KIF14: variants seen among roughly 807,000 people sequenced by gnomAD.
The protein encoded by KIF14 is kinesin family member 14.
A neutral mutation model predicts 176.2 loss-of-function variants in KIF14; 98 were observed. The observed-to-expected ratio is 0.56, with a 90% CI of 0.47 to 0.66. The LOEUF is 0.66. Among genes scored for constraint, KIF14 ranks in the 30% least tolerant of loss-of-function variants. The probability of loss-of-function intolerance (pLI) is 0.00; values close to 1 mark genes in which losing one functional copy is unlikely to be tolerated. For missense variants in KIF14, 1,751 were observed against 1,920.4 expected (o/e 0.91, Z 1.65); for synonymous variants, 566 against 632.2 (o/e 0.90, Z 1.57).
At chr1:200,599,943 A>G (rs1362947210) in intron 13 of KIF14, 107 bp downstream of exon 13, 2 of 675,500 alleles carry the variant, frequency 3.0e-6, no homozygotes, top group Non-Finnish European at 5.2e-6. Flanking sequence ...GTCAGTATAT[A>G]GTAAGTATTT....
chr1:200,554,390 CAA>C (rs200142247), intron 29 of KIF14, 76 bp downstream of exon 29: 280 of 799,938 alleles, frequency 3.5e-4, no homozygotes, highest in East Asian at 4.4e-4. Context: ...GACTCCATCT[CAA>C]AAAAAAAAAG....
At chr1:200,596,533 C>CATCTCTA (rs1463173548) in intron 14 of KIF14, among the ~76,000 whole-genome samples, 1 of 147,962 alleles carries the variant, frequency 6.8e-6, no homozygotes, top group East Asian at 2.0e-4. Context: ...AAATTTAGAA[C>CATCTCTA]ATCTCTATGA....
Position 200,581,248 on chromosome 1 carries a change from T to C in KIF14, c.3288A>G (p.Glu1096=), listed in dbSNP as rs1658435176. The C allele has an allele frequency of 1.2e-6, 2 of 1,605,436 alleles. No individual in the cohort carries two copies. The highest frequency in any genetic ancestry group is 1.3e-5 in the African/African-American group (1 of 74,118). The change falls in exon 20 of 30, where the codon GAA becomes GAG. Residue 1096 remains glutamate, a synonymous_variant. Transcript: ENST00000367350. ...SSMKLSMMIQ[E]ANAISSKLKT... is the part of the protein sequence containing the mutation. ...TCAATTTGCTGCTGATAGCATTGGC[T>C]TCCTGAATCATCATTGAGAGTTTCA... is the stretch of plus-strand genomic sequence containing the variant.
chr1:200,558,445 C>G (rs1656952844), intron 27 of KIF14, among the ~76,000 whole-genome samples: 1 of 152,038 alleles, frequency 6.6e-6, no homozygotes, highest in African/African-American at 2.4e-5. Flanking sequence ...TGGAGTCAGG[C>G]AGAATATAAA....
intron 26 of KIF14, among the ~76,000 whole-genome samples, chr1:200,560,276 G>C (rs1657062257): frequency 9.3e-6 from 1 of 107,046 alleles, no homozygotes; most frequent in Admixed American, 9.6e-5. Flanking sequence ...GTTTGGTTTT[G>C]TTGGGTTTTT....
At chr1:200,564,657 T>C (rs1010029213) in intron 25 of KIF14, among the ~76,000 whole-genome samples, 2 of 152,182 alleles carry the variant, frequency 1.3e-5, no homozygotes, top group Admixed American at 6.5e-5. Flanking sequence ...GTATCCCTTA[T>C]TGAGGGCCAG....
intron 14 of KIF14, 62 bp from the exon 15 acceptor site, chr1:200,593,831 C>CAATATGGGATA (rs1659176260): frequency 1.1e-6 from 1 of 932,920 alleles, no homozygotes. Context: ...AAGAAAAAGG[C>CAATATGGGATA]AATATGGGAT....
chr1:200,603,998 C>T, intron 8 of KIF14, 43 bp from the exon 9 acceptor site: 1 of 1,172,436 alleles, frequency 8.5e-7, no homozygotes, highest in African/African-American at 1.5e-5. Flanking sequence ...TCTATTACTT[C>T]CAATCAATAT....
At position 200,565,563 on chromosome 1, in the gene KIF14, A is replaced by G; in HGVS notation, c.3768T>C (p.Ser1256=). The G allele has an allele frequency of 6.2e-7, 1 of 1,611,896 alleles. No individual in the cohort carries two copies. Among genetic ancestry groups the G allele is most frequent in the South Asian group, 1.1e-5 (1 of 90,444 alleles). ...IGSSLDFFGQ[S]YDEERTIADS... ...CTGCTATAGTTCTTTCTTCATCATA[A>G]CTCTGTCCAAAAAAATCTAACGAAG... Residue 1256 remains serine (S), a synonymous_variant, in exon 24 of 30, where the codon AGT becomes AGC. Transcript: ENST00000367350.
intron 22 of KIF14, among the ~76,000 whole-genome samples, chr1:200,570,657 T>TACAA (rs1657733446): frequency 1.3e-5 from 2 of 152,210 alleles, no homozygotes; most frequent in African/African-American, 4.8e-5. Context: ...GGTCTTTGCA[T>TACAA]GTCAATAAAG....
At chr1:200,565,727 T>C (rs1173346246) in intron 23 of KIF14, 58 bp from the exon 24 acceptor site, 2 of 1,134,514 alleles carry the variant, frequency 1.8e-6, no homozygotes, top group African/African-American at 3.2e-5. Context: ...ACTTTCTTTT[T>C]TAAAAAAAGG....
At chr1:200,588,013 C>T (rs796756944) in intron 18 of KIF14, among the ~76,000 whole-genome samples, 1 of 152,118 alleles carries the variant, frequency 6.6e-6, no homozygotes, top group African/African-American at 2.4e-5. Flanking sequence ...CAACTCCCAC[C>T]CTGGTTTCCC....
At position 200,620,505 on chromosome 1, in the gene KIF14, C is replaced by T. The variant is rs1167321844; in HGVS notation, c.-210G>A. 6.6e-6 allele frequency: 1 copy of T among 152,346 alleles called. No individual in the cohort carries two copies. The highest frequency in any genetic ancestry group is 1.5e-5 in the Non-Finnish European group (1 of 68,124). 9.4% of individuals were successfully genotyped at this position (152,346 alleles called of 1,614,324 possible). On this transcript the variant is annotated 5_prime_UTR_variant, in exon 1 of 30. Coordinates refer to ENST00000367350, the MANE Select transcript of KIF14 (RefSeq NM_014875.3). ...TTCCCGGTCCCAGCAGAGACGCTGC[C>T]TTGCGCCCTTCGTTCGGGGACCCCT...
intron 14 of KIF14, among the ~76,000 whole-genome samples, chr1:200,597,088 C>G (rs1306405909): frequency 1.3e-5 from 2 of 150,940 alleles, no homozygotes; most frequent in East Asian, 3.9e-4. Flanking sequence ...TTAGTAGAGA[C>G]AGGGTTTCAC....
chr1:200,583,473 G>A (rs762581526), intron 19 of KIF14, among the ~76,000 whole-genome samples: 27 of 151,878 alleles, frequency 1.8e-4, no homozygotes, highest in Non-Finnish European at 2.8e-4. Flanking sequence ...TGAGGATAGC[G>A]GCAACAAGAT....
intron 19 of KIF14, among the ~76,000 whole-genome samples, chr1:200,581,970 A>G (rs1427113853): frequency 1.3e-5 from 2 of 151,902 alleles, no homozygotes; most frequent in African/African-American, 4.8e-5. Flanking sequence ...AGGTTTTGCC[A>G]TGTTGCTCAG....
At chr1:200,571,724 T>C (rs1262567967) in intron 22 of KIF14, among the ~76,000 whole-genome samples, 9 of 152,106 alleles carry the variant, frequency 5.9e-5, no homozygotes, top group Non-Finnish European at 1.5e-5. Flanking sequence ...ATAGGACTGA[T>C]AAAAGGGAAA....
intron 14 of KIF14, among the ~76,000 whole-genome samples, chr1:200,595,287 T>C (rs1558075812): frequency 1.3e-5 from 2 of 152,232 alleles, no homozygotes; most frequent in African/African-American, 2.4e-5. Flanking sequence ...ACACTTAATA[T>C]GCATTAATAG....
intron 23 of KIF14, among the ~76,000 whole-genome samples, chr1:200,567,210 T>C (rs1309509310): frequency 1.3e-5 from 2 of 148,156 alleles, no homozygotes; most frequent in Non-Finnish European, 3.0e-5. Flanking sequence ...TACTTCTACC[T>C]TACAATAGTT....
Sources: gnomAD v4.1 joint callset for allele counts (sites outside exome capture counted in the v4.1 genomes callset) on GRCh38, gnomAD v4.1.1 for gene constraint, MANE v1.5 for transcripts, NCBI Gene and HGNC (gene_info 2026-07-23, HGNC 2026-07-21) for gene names.